The following CASP14 variants were observed in gnomAD, a reference collection of about 807,000 sequenced individuals.
CASP14 encodes caspase 14.
A neutral mutation model predicts 28.4 loss-of-function variants in CASP14; 27 were observed. That is an observed-to-expected ratio of 0.95 (90% CI 0.70 to 1.31). The LOEUF (loss-of-function observed/expected upper bound fraction) is 1.31. CASP14 is among the 50% of genes most tolerant of loss of function. The probability of loss-of-function intolerance (pLI) is 0.00; values close to 1 mark genes in which losing one functional copy is unlikely to be tolerated. For synonymous variants in CASP14, 115 were observed against 118.6 expected (o/e 0.97, Z 0.20); for missense variants, 323 against 312.8 (o/e 1.03, Z -0.25).
chr19:15,054,693 T>C (rs1163203589), intron 4 of CASP14, among the ~76,000 whole-genome samples: 1 of 148,848 alleles, frequency 6.7e-6, no homozygotes, highest in African/African-American at 2.5e-5. Context: ...CAGGCTGGAG[T>C]GCGATGGCAC....
At chr19:15,050,318 G>GTC (rs2046084082) in intron 1 of CASP14, among the ~76,000 whole-genome samples, 1 of 133,336 alleles carries the variant, frequency 7.5e-6, no homozygotes, top group Non-Finnish European at 1.7e-5. Context: ...GAGTGTGTGT[G>GTC]TGTGAGAGAG....
chr19:15,055,403 C>G lies in CASP14; in HGVS notation c.521-27C>G, dbSNP rs370316267. ...CCTCTACCTACCCTCTGAAGCTCCCCCGAACCCACCTCTCTGGAATTCCCA... is the reference window on the plus strand; with the variant it reads ...CCTCTACCTACCCTCTGAAGCTCCCGCGAACCCACCTCTCTGGAATTCCCA... On this transcript the variant is annotated intron_variant, in intron 5 of 6. Transcript: ENST00000427043. 1.2e-4 allele frequency: 199 copies of G among 1,608,784 alleles called. 2 individuals carry two copies. The highest frequency in any genetic ancestry group is 1.2e-3 in the South Asian group (108 of 90,936).
chr19:15,053,280 T>A (rs1382909729), intron 2 of CASP14, among the ~76,000 whole-genome samples: 2 of 152,060 alleles, frequency 1.3e-5, no homozygotes, highest in Non-Finnish European at 2.9e-5. Context: ...GCTATATTTT[T>A]CATTTTTTGT....
Position 15,053,889 on chromosome 19 carries a change from C to T in CASP14, c.334C>T (p.Leu112=). Residue 112 remains leucine (L), a synonymous_variant, in exon 4 of 7, where the codon CTG becomes TTG. Coordinates refer to ENST00000427043, the MANE Select transcript of CASP14 (RefSeq NM_012114.3). ...MVKLENLFEA[L]NNKNCQALRA... The stretch of plus-strand genomic sequence containing the variant: ...CAAGCTGGAGAATCTCTTCGAGGCC[C>T]TGAACAACAAGAACTGCCAGGCCCT... 1.2e-6 allele frequency: 2 copies of T among 1,614,142 alleles called. No homozygotes were observed. Among genetic ancestry groups the T allele is most frequent in the Non-Finnish European group, 1.7e-6 (2 of 1,180,012 alleles).
In CASP14 at chr19:15,056,395, C is replaced by A. The variant is rs1225640317; in HGVS notation, c.*306C>A. 2 of 246,334 alleles carry A rather than the reference C, an allele frequency of 8.1e-6. No individual in the cohort carries two copies. The highest frequency in any genetic ancestry group is 4.4e-5 in the African/African-American group (2 of 45,392). The allele number at this position is 246,334 out of a possible 1,614,324, so 15.3% of individuals were successfully genotyped here. ...TCCCACTTTCTGTTCCTGTGGTCTT[C>A]TTTCTCCCATGAAGCAGAAACTGGA... On this transcript the variant is annotated 3_prime_UTR_variant, in exon 7 of 7. Transcript: ENST00000427043.
intron 5 of CASP14, 61 bp from the exon 6 acceptor site, chr19:15,055,369 C>T (rs1247319536): frequency 1.3e-6 from 2 of 1,569,500 alleles, no homozygotes; most frequent in Admixed American, 1.7e-5. Flanking sequence ...CCACGCCCTT[C>T]CAGGATCCCC....
intron 1 of CASP14, 50 bp downstream of exon 1, chr19:15,049,695 T>TCACACACA (rs1310042033): frequency 8.7e-6 from 1 of 114,990 alleles, no homozygotes; most frequent in East Asian, 2.6e-4. Context: ...TCTCTCTCTC[T>TCACACACA]CTCACACACA....
rs779986212 is a variant in CASP14 at position 15,053,627 on chromosome 19, C to T, written c.173C>T (p.Ala58Val). 3.7e-5 allele frequency: 59 copies of T among 1,613,976 alleles called. No homozygotes were observed. The South Asian group carries it at 5.8e-4, about 16-fold the overall frequency. The change falls in exon 3 of 7, where the codon GCC becomes GTC. Residue 58 changes from alanine (A) to valine (V), a missense_variant. Physicochemically the swap from Ala to Val is moderately conservative, Grantham distance 64. Coordinates refer to ENST00000427043, the MANE Select transcript of CASP14 (RefSeq NM_012114.3). ...AGCACCATGAAAAGAGACCCCACTG[C>T]CGAGGTATTGGGGTGCCTACTCCAG... ...FESTMKRDPT[A>V]EQFQEELEKF... is the part of the protein sequence containing the mutation.
intron 1 of CASP14, among the ~76,000 whole-genome samples, chr19:15,050,230 C>T (rs1334945190): frequency 6.6e-6 from 1 of 151,986 alleles, no homozygotes; most frequent in Non-Finnish European, 1.5e-5. Flanking sequence ...GTTCTGGCTC[C>T]AGGGCTATGC....
Position 15,057,231 on chromosome 19 carries a change from C to A in CASP14, c.*1142C>A, listed in dbSNP as rs554209680. 1 of 152,124 alleles carries A rather than the reference C, an allele frequency of 6.6e-6. No homozygotes were observed. The highest frequency in any genetic ancestry group is 2.4e-5 in the African/African-American group (1 of 41,416). 9.4% of individuals were successfully genotyped at this position (152,124 alleles called of 1,614,324 possible). On this transcript the variant is annotated 3_prime_UTR_variant, in exon 7 of 7. Coordinates refer to ENST00000427043, the MANE Select transcript of CASP14 (RefSeq NM_012114.3). ...TCAAGTAACCTACGGGCACATCCAG[C>A]GTCACTAAAAACTCAGGGCTTTTCT...
chr19:15,055,306 C>T, intron 5 of CASP14, 32 bp downstream of exon 5: 1 of 1,586,950 alleles, frequency 6.3e-7, no homozygotes, highest in Admixed American at 1.7e-5. Flanking sequence ...AGGGATCCCT[C>T]TGCTCTTCCC....
chr19:15,057,307 G>A lies in CASP14; in HGVS notation c.*1218G>A, dbSNP rs1294421694. 1 of 152,156 alleles carries A rather than the reference G, an allele frequency of 6.6e-6. No individual in the cohort carries two copies. The highest frequency in any genetic ancestry group is 1.5e-5 in the Non-Finnish European group (1 of 68,048). The allele number at this position is 152,156 out of a possible 1,614,324, so 9.4% of individuals were successfully genotyped here. On this transcript the variant is annotated 3_prime_UTR_variant, in exon 7 of 7. Transcript: ENST00000427043. ...CTGGTATCCTCAACCTCAGATCCCA[G>A]GTTCAGATTTCTGCAGTCAATCTAT...
rs746146142 is a variant in CASP14, at chr19:15,053,890, T to C, written c.335T>C (p.Leu112Pro). The change falls in exon 4 of 7, where the codon CTG (leucine) becomes CCG (proline). Residue 112 changes from leucine to proline, a missense_variant. Transcript: ENST00000427043. ...MVKLENLFEA[L>P]NNKNCQALRA... ...AAGCTGGAGAATCTCTTCGAGGCCC[T>C]GAACAACAAGAACTGCCAGGCCCTG... 1.9e-6 allele frequency: 3 copies of C among 1,614,148 alleles called. No homozygotes were observed. Among genetic ancestry groups the C allele is most frequent in the African/African-American group, 1.3e-5 (1 of 75,046 alleles).
At chr19:15,054,389 A>G (rs1027281476) in intron 4 of CASP14, among the ~76,000 whole-genome samples, 3 of 152,188 alleles carry the variant, frequency 2.0e-5, no homozygotes, top group Non-Finnish European at 4.4e-5. Context: ...ACTAGCGTCG[A>G]GCAATGTAAC....
chr19:15,051,656 A>G (rs1216562709), intron 1 of CASP14, among the ~76,000 whole-genome samples: 1 of 152,162 alleles, frequency 6.6e-6, no homozygotes, highest in African/African-American at 2.4e-5. Context: ...GAGAATGTGG[A>G]CAGACATTCA....
Position 15,053,508 on chromosome 19 carries a change from C to T in CASP14, c.54C>T (p.Arg18=). The T allele has an allele frequency of 6.2e-7, 1 of 1,614,130 alleles. No individual in the cohort carries two copies. The highest frequency in any genetic ancestry group is 1.1e-5 in the South Asian group (1 of 91,070). ...EEEKYDMSGA[R]LALILCVTKA... ...AGAAATATGATATGTCAGGTGCCCG[C>T]CTGGCCCTAATACTGTGTGTCACCA... The change falls in exon 3 of 7, where the codon CGC becomes CGT. Residue 18 remains arginine (R), a synonymous_variant. Coordinates refer to ENST00000427043, the MANE Select transcript of CASP14 (RefSeq NM_012114.3).
In CASP14 at chr19:15,056,277, A is replaced by G. The variant is rs11574686; in HGVS notation, c.*188A>G. On this transcript the variant is annotated 3_prime_UTR_variant, in exon 7 of 7. Transcript: ENST00000427043. ...GAGCAAGCCAGCCAAAACTTAGCAC[A>G]AGGCATGGTGGCAACATTAACATCA... 45,508 of 509,926 alleles carry G rather than the reference A, an allele frequency of 0.089. 2,578 individuals are homozygous for G. The highest frequency in any genetic ancestry group is 0.2 in the African/African-American group (10,242 of 51,372). The allele number at this position is 509,926 out of a possible 1,614,324, so 31.6% of individuals were successfully genotyped here.
intron 1 of CASP14, among the ~76,000 whole-genome samples, chr19:15,051,968 G>C (rs753228018): frequency 6.6e-6 from 1 of 152,120 alleles, no homozygotes; most frequent in East Asian, 1.9e-4. Context: ...TTGTGGGGTA[G>C]GCTCAGCAGT....
chr19:15,053,935 A>T lies in CASP14; in HGVS notation c.380A>T (p.Tyr127Phe). The change falls in exon 4 of 7, where the codon TAC (tyrosine) becomes TTC (phenylalanine). Residue 127 changes from tyrosine (Y) to phenylalanine (F), a missense_variant. Physicochemically the swap from Tyr to Phe is conservative, Grantham distance 22 (BLOSUM62 3). Coordinates refer to ENST00000427043, the MANE Select transcript of CASP14 (RefSeq NM_012114.3). The part of the protein sequence containing the change: ...CQALRAKPKV[Y>F]IIQACRGEQR... ...GCCCTGCGAGCTAAGCCCAAGGTGT[A>T]CATCATACAGGCCTGTCGAGGAGGT... 6.2e-7 allele frequency: 1 copy of T among 1,613,956 alleles called. No homozygotes were observed. Among genetic ancestry groups the T allele is most frequent in the Non-Finnish European group, 8.5e-7 (1 of 1,179,986 alleles).
Sources: gnomAD v4.1 joint callset for allele counts (sites outside exome capture counted in the v4.1 genomes callset) on GRCh38, gnomAD v4.1.1 for gene constraint, MANE v1.5 for transcripts, NCBI Gene and HGNC (gene_info 2026-07-23, HGNC 2026-07-21) for gene names.